Variants in ZMAT4 observed in about 807,000 individuals in gnomAD.
The protein encoded by ZMAT4 is zinc finger matrin-type protein 4.
A neutral mutation model predicts 28.7 loss-of-function variants in ZMAT4; 17 were observed. The observed-to-expected ratio is 0.59, with a 90% CI of 0.41 to 0.89. The LOEUF (loss-of-function observed/expected upper bound fraction) is 0.89, where lower values mean the gene tolerates loss of function less well. Among genes scored for constraint, ZMAT4 ranks in the 40% least tolerant of loss-of-function variants. The probability of loss-of-function intolerance (pLI) is 0.00; values close to 1 mark genes in which losing one functional copy is unlikely to be tolerated. For synonymous variants in ZMAT4, 117 were observed against 109.2 expected (o/e 1.07, Z -0.44); for missense variants, 240 against 283.8 (o/e 0.85, Z 1.11).
At chr8:40,796,002 A>G (rs1317742572) in intron 2 of ZMAT4, among the ~76,000 whole-genome samples, 1 of 152,294 alleles carries the variant, frequency 6.6e-6, no homozygotes, top group African/African-American at 2.4e-5. Flanking sequence ...AGAGTCTTCA[A>G]TAGCAACTCT....
intron 3 of ZMAT4, among the ~76,000 whole-genome samples, chr8:40,716,998 T>C (rs1392854212): frequency 6.6e-6 from 1 of 152,234 alleles, no homozygotes; most frequent in East Asian, 1.9e-4. Flanking sequence ...TTAATCTCTC[T>C]GGATATAAAA....
chr8:40,638,979 G>T (rs767807792), intron 5 of ZMAT4, among the ~76,000 whole-genome samples: 11 of 152,218 alleles, frequency 7.2e-5, no homozygotes, highest in Non-Finnish European at 1.5e-4. Context: ...AGTGTTCTTA[G>T]TCACAGTAGC....
At position 40,744,489 on chromosome 8, in the gene ZMAT4, G is replaced by C. The variant is rs1408033498; in HGVS notation, c.192+23152C>G. On this transcript the variant is annotated intron_variant, in intron 3 of 6. Coordinates refer to ENST00000297737, the MANE Select transcript of ZMAT4 (RefSeq NM_024645.3). ...GCATCTTAAATAAATATTAAGAAAT[G>C]TGATAATATTTACCCAAGGGCTCAC... 3.9e-5 allele frequency among the ~76,000 whole-genome samples: 6 copies of C among 152,262 alleles called. No individual in the cohort carries two copies. In the East Asian group the frequency reaches 9.7e-4, roughly 25 times the overall value.
At chr8:40,839,727 G>A (rs550602346) in intron 1 of ZMAT4, among the ~76,000 whole-genome samples, 33 of 152,330 alleles carry the variant, frequency 2.2e-4, no homozygotes, top group East Asian at 1.2e-3. Context: ...AAAGCCAGGC[G>A]TGTTCTCACT....
intron 2 of ZMAT4, among the ~76,000 whole-genome samples, chr8:40,809,215 T>A (rs1283868593): frequency 6.6e-6 from 1 of 152,150 alleles, no homozygotes; most frequent in East Asian, 1.9e-4. Context: ...GAAAACCAAA[T>A]ACTTCATGTT....
chr8:40,659,647 A>G (rs1383615610), intron 5 of ZMAT4, among the ~76,000 whole-genome samples: 1 of 152,174 alleles, frequency 6.6e-6, no homozygotes, highest in Non-Finnish European at 1.5e-5. Context: ...CGAAGTTCAC[A>G]GACTCACAAT....
At chr8:40,836,891 A>T (rs1563517440) in intron 1 of ZMAT4, among the ~76,000 whole-genome samples, 1 of 152,180 alleles carries the variant, frequency 6.6e-6, no homozygotes, top group Non-Finnish European at 1.5e-5. Flanking sequence ...GATGTTAGTG[A>T]TAGTGAGATG....
chr8:40,837,898 TTC>T (rs762392230), intron 1 of ZMAT4, among the ~76,000 whole-genome samples: 2 of 152,208 alleles, frequency 1.3e-5, no homozygotes, highest in Non-Finnish European at 2.9e-5. Flanking sequence ...TCTGCTCTGT[TTC>T]TCTCTGGTTT....
chr8:40,705,577 C>A (rs1010026439), intron 3 of ZMAT4, among the ~76,000 whole-genome samples: 1 of 152,078 alleles, frequency 6.6e-6, no homozygotes, highest in South Asian at 2.1e-4. Context: ...AAAAATGAAC[C>A]ACAAAATTAA....
intron 5 of ZMAT4, among the ~76,000 whole-genome samples, chr8:40,596,430 AC>A (rs1805106372): frequency 6.6e-6 from 1 of 152,248 alleles, no homozygotes; most frequent in Admixed American, 6.5e-5. Flanking sequence ...CTGTACAAAA[AC>A]ATTTTATTTC....
At chr8:40,844,058 GC>G in intron 1 of ZMAT4, among the ~76,000 whole-genome samples, 1 of 152,292 alleles carries the variant, frequency 6.6e-6, no homozygotes, top group Admixed American at 6.5e-5. Context: ...CTTTAGCCCA[GC>G]CTGGAGCACT....
At chr8:40,823,903 A>G (rs115294555) in intron 2 of ZMAT4, among the ~76,000 whole-genome samples, 4,071 of 152,286 alleles carry the variant, frequency 0.027, 179 homozygotes, top group African/African-American at 0.093. Context: ...ATTTGCTTTC[A>G]TCAAAACATT....
chr8:40,809,194 A>C (rs1815216979), intron 2 of ZMAT4, among the ~76,000 whole-genome samples: 1 of 152,200 alleles, frequency 6.6e-6, no homozygotes, highest in Admixed American at 6.5e-5. Flanking sequence ...AAATAAATTA[A>C]TGCAGGAACA....
chr8:40,669,577 T>A (rs989644836), intron 5 of ZMAT4, among the ~76,000 whole-genome samples: 1 of 152,126 alleles, frequency 6.6e-6, no homozygotes, highest in Non-Finnish European at 1.5e-5. Context: ...ACTTAACATA[T>A]AGTAAATATA....
intron 5 of ZMAT4, among the ~76,000 whole-genome samples, chr8:40,618,518 G>C (rs1300790006): frequency 6.6e-6 from 1 of 152,184 alleles, no homozygotes; most frequent in Non-Finnish European, 1.5e-5. Context: ...TGTATTGACA[G>C]AAAATCAGGT....
intron 1 of ZMAT4, among the ~76,000 whole-genome samples, chr8:40,852,357 G>T (rs1817141196): frequency 6.6e-6 from 1 of 152,026 alleles, no homozygotes; most frequent in Non-Finnish European, 1.5e-5. Flanking sequence ...TGTATTTTTA[G>T]AAAAATTATG....
At chr8:40,561,247 A>G in intron 6 of ZMAT4, among the ~76,000 whole-genome samples, 1 of 152,120 alleles carries the variant, frequency 6.6e-6, no homozygotes, top group East Asian at 1.9e-4. Context: ...AGGACAAGAA[A>G]ACTCAGCACT....
At chr8:40,732,834 CTT>C (rs11461186) in intron 3 of ZMAT4, among the ~76,000 whole-genome samples, 191 of 67,054 alleles carry the variant, frequency 2.8e-3, no homozygotes, top group East Asian at 8.8e-3. Flanking sequence ...GCAAGACCTC[CTT>C]TTTTTTTTTT....
rs1405807681 is a variant in ZMAT4, at chr8:40,869,026, G to T, written c.-5+28657C>A. ...TTTCTCTACCTGTCCAACCCTGTTT[G>T]CTATGAATCCCCCAACCTGAGCCCA... On this transcript the variant is annotated intron_variant, in intron 1 of 6. Coordinates refer to ENST00000297737, the MANE Select transcript of ZMAT4 (RefSeq NM_024645.3). Among the ~76,000 whole-genome samples the T allele has an allele frequency of 3.3e-5, 5 of 152,184 alleles. No individual in the cohort carries two copies. In the East Asian group the frequency reaches 9.6e-4, roughly 29 times the overall value.
Sources: gnomAD v4.1 joint callset for allele counts (sites outside exome capture counted in the v4.1 genomes callset) on GRCh38, gnomAD v4.1.1 for gene constraint, MANE v1.5 for transcripts, NCBI Gene and HGNC (gene_info 2026-07-23, HGNC 2026-07-21) for gene names.